Variants in HDAC9 observed in about 807,000 individuals in gnomAD.
HDAC9 encodes the protein MEF-2 interacting transcription repressor (MITR) protein.
HDAC9 carries 41 observed loss-of-function variants against 139.4 expected under a neutral mutation model. The ratio of observed to expected loss-of-function variants is 0.29; its 90% CI spans 0.23 to 0.38. HDAC9 has a LOEUF of 0.38. Ranked by LOEUF, HDAC9 falls within the 10% of genes least tolerant of loss-of-function variation. The probability of loss-of-function intolerance (pLI) is 1.00; values close to 1 mark genes in which losing one functional copy is unlikely to be tolerated. For missense variants in HDAC9, 1,147 were observed against 1,297.0 expected (o/e 0.88, Z 1.78); for synonymous variants, 517 against 476.2 (o/e 1.09, Z -1.12).
chr7:18,695,717 C>A (rs943263591), intron 12 of HDAC9, among the ~76,000 whole-genome samples: 1 of 152,108 alleles, frequency 6.6e-6, no homozygotes, highest in Non-Finnish European at 1.5e-5. Context: ...CTTATCCTCA[C>A]CTGAACTTTC....
At chr7:18,600,020 T>A (rs1375468861) in intron 6 of HDAC9, among the ~76,000 whole-genome samples, 1 of 152,090 alleles carries the variant, frequency 6.6e-6, no homozygotes, top group East Asian at 1.9e-4. Flanking sequence ...TGTAGTGGTT[T>A]CTCATTGTGG....
intron 21 of HDAC9, among the ~76,000 whole-genome samples, chr7:18,866,571 C>T (rs1798515350): frequency 6.6e-6 from 1 of 152,192 alleles, no homozygotes; most frequent in Admixed American, 6.5e-5. Flanking sequence ...GGCAGAGTTA[C>T]AACATATTTG....
chr7:18,688,708 C>G (rs540364840), intron 12 of HDAC9, among the ~76,000 whole-genome samples: 1 of 151,626 alleles, frequency 6.6e-6, no homozygotes, highest in Admixed American at 6.6e-5. Context: ...CTGTTTCCAC[C>G]GAAAAACTAG....
intron 1 of HDAC9, among the ~76,000 whole-genome samples, chr7:18,310,809 TACACACACACACAC>T (rs71847714): frequency 4.3e-4 from 61 of 143,226 alleles, no homozygotes; most frequent in African/African-American, 1.2e-3. Context: ...ACAAATCCAT[TACACACACACACAC>T]ACACACACAC....
At chr7:18,407,859 T>C (rs2128741720) in intron 1 of HDAC9, among the ~76,000 whole-genome samples, 1 of 152,294 alleles carries the variant, frequency 6.6e-6, no homozygotes, top group African/African-American at 2.4e-5. Context: ...AGAAAATGTC[T>C]TTCAGTAGGT....
At chr7:18,941,893 A>G (rs577274021) in intron 23 of HDAC9, among the ~76,000 whole-genome samples, 112 of 152,230 alleles carry the variant, frequency 7.4e-4, no homozygotes, top group African/African-American at 2.2e-3. Context: ...TATATCTTTT[A>G]TCAAATGCCA....
chr7:18,170,847 T>A (rs958620187), intron 2 of HDAC9, among the ~76,000 whole-genome samples: 1 of 152,128 alleles, frequency 6.6e-6, no homozygotes, highest in Non-Finnish European at 1.5e-5. Flanking sequence ...TGGTTACTGT[T>A]GGCTTGTAGT....
intron 6 of HDAC9, among the ~76,000 whole-genome samples, chr7:18,620,732 C>T (rs1235231643): frequency 6.6e-6 from 1 of 152,014 alleles, no homozygotes; most frequent in Non-Finnish European, 1.5e-5. Context: ...CCACCTTTCC[C>T]CTTCTAGACC....
At chr7:18,707,999 A>G (rs1300555981) in intron 12 of HDAC9, among the ~76,000 whole-genome samples, 1 of 152,150 alleles carries the variant, frequency 6.6e-6, no homozygotes, top group Non-Finnish European at 1.5e-5. Flanking sequence ...TGGATGATTG[A>G]TGGAGCACAT....
intron 1 of HDAC9, chr7:18,459,042 C>T (rs888664876): frequency 1.3e-5 from 8 of 635,256 alleles, no homozygotes; most frequent in Admixed American, 6.9e-5. Context: ...AGTTTTGCCA[C>T]GGGCTACTGA....
intron 12 of HDAC9, among the ~76,000 whole-genome samples, chr7:18,726,755 A>G (rs1785583385): frequency 1.3e-5 from 2 of 151,130 alleles, no homozygotes; most frequent in Admixed American, 1.3e-4. Flanking sequence ...TTTAAAATAT[A>G]TATTTTGAAA....
chr7:18,488,520 G>T (rs895852894), intron 1 of HDAC9, among the ~76,000 whole-genome samples: 6 of 151,974 alleles, frequency 3.9e-5, no homozygotes, highest in Non-Finnish European at 8.8e-5. Context: ...GGGAGGCAAA[G>T]TTGGGTCTGA....
chr7:18,848,258 CAGA>C (rs914140536), intron 21 of HDAC9, among the ~76,000 whole-genome samples: 1 of 152,104 alleles, frequency 6.6e-6, no homozygotes, highest in African/African-American at 2.4e-5. Context: ...CAGCTCTGAT[CAGA>C]AGAAGAATCT....
intron 1 of HDAC9, among the ~76,000 whole-genome samples, chr7:18,447,993 A>G (rs1017873118): frequency 3.3e-5 from 5 of 152,268 alleles, no homozygotes; most frequent in Admixed American, 2.0e-4. Context: ...GACGTGCACC[A>G]CAATACCTGG....
intron 22 of HDAC9, among the ~76,000 whole-genome samples, chr7:18,931,358 CT>C (rs1338002124): frequency 2.0e-5 from 3 of 152,064 alleles, no homozygotes; most frequent in African/African-American, 7.2e-5. Flanking sequence ...GTAAAAGATT[CT>C]TATCGGCATC....
chr7:18,330,050 T>TA (rs1800796359), intron 1 of HDAC9, among the ~76,000 whole-genome samples: 1 of 151,488 alleles, frequency 6.6e-6, no homozygotes, highest in Non-Finnish European at 1.5e-5. Context: ...CCACCTCTCA[T>TA]ACCTTGATGC....
In HDAC9 at chr7:18,689,579, A is replaced by G. The variant is rs145244729; in HGVS notation, c.1731+23103A>G. Among the ~76,000 whole-genome samples the G allele has an allele frequency of 2.2e-3, 328 of 152,134 alleles. 2 individuals carry two copies. The highest frequency in any genetic ancestry group is 7.6e-3 in the African/African-American group (317 of 41,542). On this transcript the variant is annotated intron_variant, in intron 12 of 25. Transcript: ENST00000686413. ...TGCCTGATATTCTTGGAGATTTTCA[A>G]ACTAAAGGTAAAGTTTTGTTGGCTT...
chr7:18,544,442 A>T (rs567710981), intron 2 of HDAC9, among the ~76,000 whole-genome samples: 2 of 152,362 alleles, frequency 1.3e-5, no homozygotes, highest in Admixed American at 6.5e-5. Context: ...CCAGGCATCA[A>T]TGTGGAGATG....
chr7:18,283,593 G>A (rs879483272), intron 2 of HDAC9, among the ~76,000 whole-genome samples: 2 of 152,132 alleles, frequency 1.3e-5, no homozygotes, highest in Non-Finnish European at 2.9e-5. Flanking sequence ...GTGAGTACCC[G>A]TGGCCCAATG....
Sources: allele counts gnomAD v4.1 joint callset (sites outside exome capture counted in the v4.1 genomes callset), GRCh38; gene constraint gnomAD v4.1.1; transcripts MANE v1.5; gene names NCBI Gene and HGNC (gene_info 2026-07-23, HGNC 2026-07-21).